Variants in PHLDB2 observed in about 807,000 individuals in gnomAD.
The protein encoded by PHLDB2 is pleckstrin homology-like domain family B member 2.
A neutral mutation model predicts 123.6 loss-of-function variants in PHLDB2; 71 were observed. The observed-to-expected ratio is 0.57, with a 90% CI of 0.47 to 0.70. The LOEUF (loss-of-function observed/expected upper bound fraction) is 0.70, where lower values mean the gene tolerates loss of function less well. Ranked by LOEUF, PHLDB2 falls within the 30% of genes least tolerant of loss-of-function variation. The pLI is 0.00. For synonymous variants in PHLDB2, 547 were observed against 541.6 expected, an observed-to-expected ratio of 1.01 and a Z score of -0.14; for missense variants, 1,446 against 1,519.5, an observed-to-expected ratio of 0.95 and a Z score of 0.80.
intron 5 of PHLDB2, among the ~76,000 whole-genome samples, chr3:111,921,604 C>CT (rs368628355): frequency 0.39 from 50,750 of 131,732 alleles, 10,667 homozygotes; most frequent in East Asian, 0.71. Context: ...TGCCCCCAGA[C>CT]TTTTTTTTTT....
chr3:111,902,986 A>AC (rs2107455758), intron 2 of PHLDB2, among the ~76,000 whole-genome samples: 1 of 152,290 alleles, frequency 6.6e-6, no homozygotes, highest in Non-Finnish European at 1.5e-5. Flanking sequence ...AAGCTACCAA[A>AC]CCACAATAGG....
At chr3:111,867,409 T>A (rs977540529) in intron 1 of PHLDB2, among the ~76,000 whole-genome samples, 1 of 151,584 alleles carries the variant, frequency 6.6e-6, no homozygotes, top group African/African-American at 2.4e-5. Flanking sequence ...AATTTAAATG[T>A]ATACTAAAAT....
At chr3:111,781,966 ATGCAACCTGCCTATTTTGAATTT>A (rs2060492257) in intron 1 of PHLDB2, among the ~76,000 whole-genome samples, 6 of 152,068 alleles carry the variant, frequency 3.9e-5, no homozygotes, top group Non-Finnish European at 8.8e-5. Flanking sequence ...TAGGGCCAGA[ATGCAACCTGCCTATTTTGAATTT>A]GGTCAAGCAA....
chr3:111,780,321 GGAAGAAGAAGAAGAA>G (rs776116547), intron 1 of PHLDB2, among the ~76,000 whole-genome samples: 27 of 3,684 alleles, frequency 7.3e-3, no homozygotes, highest in African/African-American at 0.013. Flanking sequence ...AAGAGGAAGA[GGAAGAAGAAGAAGAA>G]GAAGAAGAAG....
intron 1 of PHLDB2, among the ~76,000 whole-genome samples, chr3:111,819,964 G>T (rs997790990): frequency 6.6e-6 from 1 of 152,188 alleles, no homozygotes; most frequent in Admixed American, 6.5e-5. Flanking sequence ...GCAGGCTTTC[G>T]TGGTAATGAA....
intron 1 of PHLDB2, among the ~76,000 whole-genome samples, chr3:111,750,019 C>T (rs886676360): frequency 6.6e-6 from 1 of 152,168 alleles, no homozygotes; most frequent in Non-Finnish European, 1.5e-5. Flanking sequence ...TTTGCCTCAA[C>T]AGAGGTAGTC....
At chr3:111,813,930 T>C (rs1006046797) in intron 1 of PHLDB2, among the ~76,000 whole-genome samples, 1 of 152,242 alleles carries the variant, frequency 6.6e-6, no homozygotes, top group Admixed American at 6.5e-5. Context: ...TTCATCCACT[T>C]AAGGGGCTTC....
intron 2 of PHLDB2, among the ~76,000 whole-genome samples, chr3:111,846,940 A>G (rs1038004985): frequency 6.6e-6 from 1 of 152,150 alleles, no homozygotes; most frequent in African/African-American, 2.4e-5. Flanking sequence ...CTTTCTGGAG[A>G]GGGTGATTTC....
intron 1 of PHLDB2, among the ~76,000 whole-genome samples, chr3:111,830,995 AAG>A (rs2062976408): frequency 1.2e-5 from 1 of 86,746 alleles, no homozygotes; most frequent in Non-Finnish European, 2.1e-5. Context: ...GAAAGAAAGA[AAG>A]AAAGAAAGAA....
intron 1 of PHLDB2, among the ~76,000 whole-genome samples, chr3:111,784,995 A>G (rs2060625110): frequency 6.6e-6 from 1 of 152,176 alleles, no homozygotes; most frequent in African/African-American, 2.4e-5. Flanking sequence ...AGAACAAATT[A>G]ATTGCTTTCT....
At chr3:111,945,952 CT>C (rs895081855) in intron 9 of PHLDB2, among the ~76,000 whole-genome samples, 27 of 152,122 alleles carry the variant, frequency 1.8e-4, no homozygotes, top group African/African-American at 5.8e-4. Context: ...CACCAGATAT[CT>C]TAAGGAACTA....
chr3:111,921,329 C>T (rs2107532290), intron 5 of PHLDB2, among the ~76,000 whole-genome samples: 1 of 152,196 alleles, frequency 6.6e-6, no homozygotes, highest in South Asian at 2.1e-4. Context: ...CTCCACTAAG[C>T]TGAGAAAAAG....
At chr3:111,821,402 T>C (rs142671045) in intron 1 of PHLDB2, among the ~76,000 whole-genome samples, 138 of 152,226 alleles carry the variant, frequency 9.1e-4, no homozygotes, top group African/African-American at 3.1e-3. Flanking sequence ...TTTTAAGGAA[T>C]TGACTCACAT....
chr3:111,953,571 TC>T (rs1195131620), intron 11 of PHLDB2, among the ~76,000 whole-genome samples: 2 of 152,176 alleles, frequency 1.3e-5, no homozygotes, highest in East Asian at 3.8e-4. Context: ...GAGTAGCTCT[TC>T]CCTGTTCTTT....
intron 2 of PHLDB2, among the ~76,000 whole-genome samples, chr3:111,908,020 A>T (rs1371790796): frequency 1.3e-5 from 2 of 152,144 alleles, no homozygotes; most frequent in East Asian, 3.8e-4. Flanking sequence ...AGACTTCATC[A>T]CATAAGCATT....
At chr3:111,791,686 C>T (rs573745469) in intron 1 of PHLDB2, among the ~76,000 whole-genome samples, 3 of 152,082 alleles carry the variant, frequency 2.0e-5, no homozygotes, top group South Asian at 2.1e-4. Context: ...TTCTAAATTT[C>T]GTCAGTGATA....
At chr3:111,918,290 T>C (rs1006057911) in intron 3 of PHLDB2, among the ~76,000 whole-genome samples, 1 of 152,246 alleles carries the variant, frequency 6.6e-6, no homozygotes, top group African/African-American at 2.4e-5. Flanking sequence ...TTCTTGACTT[T>C]CTTATTTCTT....
chr3:111,757,399 T>G (rs1321401773), intron 1 of PHLDB2, among the ~76,000 whole-genome samples: 1 of 152,110 alleles, frequency 6.6e-6, no homozygotes, highest in Non-Finnish European at 1.5e-5. Flanking sequence ...TTCATTCATT[T>G]CATGAATGGA....
chr3:111,857,525 G>A (rs562254625), upstream of PHLDB2, among the ~76,000 whole-genome samples: 4 of 151,954 alleles, frequency 2.6e-5, no homozygotes, highest in East Asian at 7.7e-4. Flanking sequence ...TGTTTATGGG[G>A]ATGATCCAAA....
Sources: allele counts gnomAD v4.1 joint callset (sites outside exome capture counted in the v4.1 genomes callset), GRCh38; gene constraint gnomAD v4.1.1; transcripts MANE v1.5; gene names NCBI Gene and HGNC (gene_info 2026-07-23, HGNC 2026-07-21).